Variants in GRK5 observed in about 807,000 individuals in gnomAD.
GRK5 encodes g protein-coupled receptor kinase GRK5.
Under a neutral mutation model 78.4 loss-of-function variants are expected in GRK5, and 40 were observed. That is an observed-to-expected ratio of 0.51 (90% CI 0.40 to 0.66). GRK5 has a LOEUF of 0.66. GRK5 is among the 30% of genes least tolerant of loss of function. GRK5 has a pLI of 0.00. For synonymous variants in GRK5, 289 were observed against 296.8 expected, an observed-to-expected ratio of 0.97 and a Z score of 0.27; for missense variants, 598 against 759.9, an observed-to-expected ratio of 0.79 and a Z score of 2.50.
At chr10:119,340,615 C>T (rs1254403744) in intron 2 of GRK5, among the ~76,000 whole-genome samples, 3 of 152,196 alleles carry the variant, frequency 2.0e-5, no homozygotes, top group African/African-American at 4.8e-5. Context: ...GTACCAGCCT[C>T]GACTATCATC....
chr10:119,440,003 C>T (rs529197880), intron 10 of GRK5, among the ~76,000 whole-genome samples: 1 of 152,166 alleles, frequency 6.6e-6, no homozygotes, highest in African/African-American at 2.4e-5. Context: ...TTCCCTTTGA[C>T]CATAAGGCTC....
chr10:119,306,729 G>A (rs1040570968), intron 1 of GRK5, among the ~76,000 whole-genome samples: 2 of 152,116 alleles, frequency 1.3e-5, no homozygotes, highest in African/African-American at 2.4e-5. Context: ...GGATCTGGCC[G>A]GGGCCGCTGC....
intron 4 of GRK5, among the ~76,000 whole-genome samples, chr10:119,399,991 T>C (rs565651099): frequency 1.3e-5 from 2 of 152,336 alleles, no homozygotes; most frequent in Admixed American, 6.5e-5. Context: ...CTCGCTTCTG[T>C]ATCCCTGCAT....
At chr10:119,237,220 TC>T (rs1225124822) in intron 1 of GRK5, among the ~76,000 whole-genome samples, 1 of 151,912 alleles carries the variant, frequency 6.6e-6, no homozygotes, top group Non-Finnish European at 1.5e-5. Flanking sequence ...GTGCCACCAT[TC>T]CCAGCTAAGT....
intron 1 of GRK5, among the ~76,000 whole-genome samples, chr10:119,246,019 CAAAAAAA>C (rs941734040): frequency 2.1e-3 from 29 of 14,040 alleles, no homozygotes; most frequent in East Asian, 0.014. Context: ...GACTCCATCT[CAAAAAAA>C]AAAAAAAAAA....
In GRK5 at chr10:119,458,201, A is replaced by T. The variant is rs1030472694; in HGVS notation, c.*3134A>T. On this transcript the variant is annotated 3_prime_UTR_variant, in exon 16 of 16. Coordinates refer to ENST00000392870, the MANE Select transcript of GRK5 (RefSeq NM_005308.3). ...ACTGACTTCGTGACTTTGAGGTGAG[A>T]CATGGGATCTCTCAGAAGCGTCTCT... 6.6e-6 allele frequency: 1 copy of T among 152,084 alleles called. No homozygotes were observed. Among genetic ancestry groups the T allele is most frequent in the Non-Finnish European group, 1.5e-5 (1 of 68,016 alleles). 9.4% of individuals were successfully genotyped at this position (152,084 alleles called of 1,614,324 possible).
chr10:119,288,260 C>A (rs1849892132), intron 1 of GRK5, among the ~76,000 whole-genome samples: 1 of 152,140 alleles, frequency 6.6e-6, no homozygotes, highest in South Asian at 2.1e-4. Flanking sequence ...CAGTACCCGG[C>A]AGGAGTGGCA....
chr10:119,261,045 C>T (rs1411751241), intron 1 of GRK5, among the ~76,000 whole-genome samples: 75 of 116,632 alleles, frequency 6.4e-4, no homozygotes, highest in Middle Eastern at 4.2e-3. Context: ...CTGACCCCCC[C>T]ACCTCCCTCC....
At chr10:119,363,352 G>A (rs913594859) in intron 2 of GRK5, among the ~76,000 whole-genome samples, 14 of 151,682 alleles carry the variant, frequency 9.2e-5, no homozygotes, top group Non-Finnish European at 1.5e-4. Flanking sequence ...TAAGTGCCTT[G>A]ATTGATCTGT....
At chr10:119,265,132 C>A (rs1380609559) in intron 1 of GRK5, among the ~76,000 whole-genome samples, 1 of 152,228 alleles carries the variant, frequency 6.6e-6, no homozygotes, top group Non-Finnish European at 1.5e-5. Context: ...AAGTGCTCCC[C>A]ACCAGCCTTT....
chr10:119,252,802 C>T lies in GRK5; in HGVS notation c.52+44833C>T, dbSNP rs536597092. On this transcript the variant is annotated intron_variant, in intron 1 of 15. Transcript: ENST00000392870. The stretch of plus-strand genomic sequence containing the variant: ...TGGCTTTTGCCTCATTTTTATGGGT[C>T]GTAGAGGATACCTCAATAAATAGCA... 1.6e-4 allele frequency among the ~76,000 whole-genome samples: 24 copies of T among 152,112 alleles called. No homozygotes were observed. In the South Asian group the frequency reaches 4.2e-3, roughly 26 times the overall value.
intron 13 of GRK5, among the ~76,000 whole-genome samples, chr10:119,448,738 TC>T (rs1357824131): frequency 1.3e-5 from 2 of 151,790 alleles, no homozygotes; most frequent in East Asian, 3.9e-4. Context: ...AAGAGGCCCC[TC>T]CCCCAGCAGC....
chr10:119,353,956 G>A (rs1275565540), intron 2 of GRK5, among the ~76,000 whole-genome samples: 1 of 134,408 alleles, frequency 7.4e-6, no homozygotes, highest in East Asian at 2.1e-4. Context: ...TTTTTTTGAG[G>A]TGACTTATAC....
chr10:119,417,627 C>G (rs980228092), intron 4 of GRK5, among the ~76,000 whole-genome samples: 2 of 144,656 alleles, frequency 1.4e-5, no homozygotes, highest in Non-Finnish European at 3.0e-5. Context: ...AATACATCAT[C>G]CACACCATGC....
chr10:119,366,519 C>T (rs998254632), intron 2 of GRK5, among the ~76,000 whole-genome samples: 1 of 152,140 alleles, frequency 6.6e-6, no homozygotes, highest in African/African-American at 2.4e-5. Flanking sequence ...GGCAGCTACT[C>T]GGCTCAGCTT....
At position 119,222,252 on chromosome 10, in the gene GRK5, G is replaced by A. The variant is rs576262699; in HGVS notation, c.52+14283G>A. On this transcript the variant is annotated intron_variant, in intron 1 of 15. Coordinates refer to ENST00000392870, the MANE Select transcript of GRK5 (RefSeq NM_005308.3). ...GTTTTTCGTGTTTGAGAGCTTTTGC[G>A]TTTCATTGTACATTGTACAATTCTA... 5.8e-4 allele frequency among the ~76,000 whole-genome samples: 89 copies of A among 152,230 alleles called. 1 individual carries two copies. The South Asian group carries it at 0.017, about 29-fold the overall frequency.
At chr10:119,223,493 A>T (rs1303321128) in intron 1 of GRK5, among the ~76,000 whole-genome samples, 1 of 152,080 alleles carries the variant, frequency 6.6e-6, no homozygotes, top group Non-Finnish European at 1.5e-5. Flanking sequence ...CTGCTGCTCT[A>T]TAGAACCCTG....
intron 12 of GRK5, among the ~76,000 whole-genome samples, chr10:119,446,632 G>A (rs913325205): frequency 1.3e-5 from 2 of 152,252 alleles, no homozygotes; most frequent in African/African-American, 4.8e-5. Flanking sequence ...AGCCCCCAGA[G>A]AGAGAAGCAG....
At chr10:119,252,825 G>A (rs1011963707) in intron 1 of GRK5, among the ~76,000 whole-genome samples, 1 of 152,102 alleles carries the variant, frequency 6.6e-6, no homozygotes, top group African/African-American at 2.4e-5. Flanking sequence ...TCAATAAATA[G>A]CATTTTTCTT....
Sources: allele counts gnomAD v4.1 joint callset (sites outside exome capture counted in the v4.1 genomes callset), GRCh38; gene constraint gnomAD v4.1.1; transcripts MANE v1.5; gene names NCBI Gene and HGNC (gene_info 2026-07-23, HGNC 2026-07-21).